LSMEM2: variants seen among roughly 807,000 people sequenced by gnomAD.
The protein encoded by LSMEM2 is leucine-rich single-pass membrane protein 2.
Under a neutral mutation model 17.3 loss-of-function variants are expected in LSMEM2, and 20 were observed. That is an observed-to-expected ratio of 1.16 (90% CI 0.81 to 1.68). LSMEM2 has a LOEUF of 1.68. Among genes scored for constraint, LSMEM2 ranks in the 40% most tolerant of loss-of-function variants. LSMEM2 has a pLI of 0.00. For synonymous variants in LSMEM2, 94 were observed against 97.8 expected, an observed-to-expected ratio of 0.96 and a Z score of 0.23; for missense variants, 207 against 214.3, an observed-to-expected ratio of 0.97 and a Z score of 0.21.
intron 1 of LSMEM2, among the ~76,000 whole-genome samples, chr3:50,284,237 G>A (rs893155679): frequency 2.7e-5 from 4 of 145,668 alleles, no homozygotes; most frequent in African/African-American, 1.0e-4. Flanking sequence ...CGCCACACAC[G>A]TATTAGTCAC....
At position 50,287,057 on chromosome 3, in the gene LSMEM2, T is replaced by TC; in HGVS notation, c.362-9dup. On this transcript the variant is annotated splice_polypyrimidine_tract_variant and intron_variant, in intron 3 of 3. Transcript: ENST00000316436. Reference sequence around the variant, plus strand: ...GCACATGGTCTGATGATCCCCCACTTCCCATTCACAGTGCTGCAGAGTGAA... The same window carrying TC: ...GCACATGGTCTGATGATCCCCCACTTCCCCATTCACAGTGCTGCAGAGTGAA... The TC allele has an allele frequency of 6.2e-7, 1 of 1,613,722 alleles. No homozygotes were observed. The highest frequency in any genetic ancestry group is 8.5e-7 in the Non-Finnish European group (1 of 1,179,716).
chr3:50,287,949 G>C lies in LSMEM2; in HGVS notation c.*747G>C, dbSNP rs1193658667. On this transcript the variant is annotated 3_prime_UTR_variant, in exon 4 of 4. Coordinates refer to ENST00000316436, the MANE Select transcript of LSMEM2 (RefSeq NM_153215.3). ...CCTAGTGCCTGCCCCACAGCCCTGA[G>C]GAAGGCACATATTTAGCCTGGCCTG... 1 of 532,146 alleles carries C rather than the reference G, an allele frequency of 1.9e-6. No homozygotes were observed. The highest frequency in any genetic ancestry group is 3.4e-6 in the Non-Finnish European group (1 of 294,568). The allele number at this position is 532,146 out of a possible 1,614,324, so 33.0% of individuals were successfully genotyped here. A position where few individuals can be genotyped will look rare whatever the true frequency, so the allele number is the denominator to read the frequency against.
chr3:50,277,936 C>T (rs924747813), upstream of LSMEM2, among the ~76,000 whole-genome samples: 4 of 152,190 alleles, frequency 2.6e-5, no homozygotes, highest in African/African-American at 4.8e-5. Flanking sequence ...CACTGCACTC[C>T]AGCCTGGGCA....
intron 1 of LSMEM2, 129 bp downstream of exon 1, chr3:50,279,300 G>C: frequency 1.2e-6 from 1 of 856,434 alleles, no homozygotes; most frequent in Non-Finnish European, 1.9e-6. Flanking sequence ...TCATGCTCCA[G>C]CTCCAGTAAA....
At chr3:50,282,594 T>A (rs587709158) in intron 1 of LSMEM2, among the ~76,000 whole-genome samples, 229 of 152,200 alleles carry the variant, frequency 1.5e-3, no homozygotes, top group African/African-American at 5.3e-3. Flanking sequence ...GAAAATATAA[T>A]TAAATATTGG....
Position 50,286,496 on chromosome 3 carries a change from C to T in LSMEM2, c.84C>T (p.Ser28=). 1 of 1,609,244 alleles carries T rather than the reference C, an allele frequency of 6.2e-7. No homozygotes were observed. Among genetic ancestry groups the T allele is most frequent in the Non-Finnish European group, 8.5e-7 (1 of 1,178,512 alleles). The change falls in exon 2 of 4, where the codon AGC becomes AGT. Residue 28 remains serine (S), a synonymous_variant. Transcript: ENST00000316436. ...QEDSVAPMMP[S]QRSRGPLAPN... is the part of the protein sequence containing the mutation. ...ACTCCGTGGCGCCAATGATGCCCAG[C>T]CAGAGGAGCAGGGGGCCATTGGCCC...
At chr3:50,281,710 A>C (rs1452617943) in intron 1 of LSMEM2, among the ~76,000 whole-genome samples, 2 of 115,118 alleles carry the variant, frequency 1.7e-5, no homozygotes, top group Non-Finnish European at 3.4e-5. Context: ...ATAGGGTCTC[A>C]CTCTGTTGCC....
intron 1 of LSMEM2, among the ~76,000 whole-genome samples, chr3:50,283,852 A>G (rs1701456271): frequency 6.6e-6 from 1 of 152,134 alleles, no homozygotes; most frequent in African/African-American, 2.4e-5. Context: ...AATTAAAATC[A>G]AAAGAAAAGT....
intron 1 of LSMEM2, among the ~76,000 whole-genome samples, chr3:50,281,606 A>C (rs1480012352): frequency 7.2e-6 from 1 of 139,322 alleles, no homozygotes; most frequent in Non-Finnish European, 1.5e-5. Context: ...CTTGTGATCC[A>C]CTTGCCTTGG....
At chr3:50,278,789 C>T (rs1222040286), upstream of LSMEM2, among the ~76,000 whole-genome samples, 1 of 151,570 alleles carries the variant, frequency 6.6e-6, no homozygotes, top group Non-Finnish European at 1.5e-5. Flanking sequence ...CACAGGCTTC[C>T]TTTGTCTGTC....
At chr3:50,283,957 G>A (rs959520148) in intron 1 of LSMEM2, among the ~76,000 whole-genome samples, 9 of 152,176 alleles carry the variant, frequency 5.9e-5, no homozygotes, top group Non-Finnish European at 1.3e-4. Flanking sequence ...TATAATCCCA[G>A]CACTTTGGGA....
At chr3:50,285,517 G>A (rs1701496939) in intron 1 of LSMEM2, among the ~76,000 whole-genome samples, 2 of 152,044 alleles carry the variant, frequency 1.3e-5, no homozygotes, top group Middle Eastern at 6.8e-3. Flanking sequence ...GCACACGCCT[G>A]TAATCCCAGC....
At chr3:50,278,614 A>G (rs1553707383), upstream of LSMEM2, among the ~76,000 whole-genome samples, 1 of 152,166 alleles carries the variant, frequency 6.6e-6, no homozygotes, top group African/African-American at 2.4e-5. Context: ...CAGAGCCCTC[A>G]TGGCATTGGG....
intron 1 of LSMEM2, among the ~76,000 whole-genome samples, chr3:50,280,657 G>A (rs1553707651): frequency 6.7e-6 from 1 of 149,430 alleles, no homozygotes; most frequent in Non-Finnish European, 1.5e-5. Flanking sequence ...GCAGTGGCGC[G>A]ATCTCAGCTC....
intron 1 of LSMEM2, among the ~76,000 whole-genome samples, chr3:50,285,866 T>C (rs1199075771): frequency 6.6e-6 from 1 of 150,394 alleles, no homozygotes; most frequent in Non-Finnish European, 1.5e-5. Flanking sequence ...GGGCGGGGAC[T>C]GCAAACAACC....
intron 1 of LSMEM2, among the ~76,000 whole-genome samples, chr3:50,280,595 C>CTTTTT (rs58315474): frequency 7.3e-6 from 1 of 136,374 alleles, no homozygotes; most frequent in Non-Finnish European, 1.6e-5. Context: ...CCTTTCTTTT[C>CTTTTT]TTTTTTTTTT....
At chr3:50,285,728 C>G (rs886821614) in intron 1 of LSMEM2, among the ~76,000 whole-genome samples, 1 of 152,058 alleles carries the variant, frequency 6.6e-6, no homozygotes, top group African/African-American at 2.4e-5. Context: ...TGGGAAAAAA[C>G]CTTCATATTC....
At chr3:50,282,891 A>C (rs1159874904) in intron 1 of LSMEM2, among the ~76,000 whole-genome samples, 1 of 149,654 alleles carries the variant, frequency 6.7e-6, no homozygotes, top group Non-Finnish European at 1.5e-5. Flanking sequence ...CTCAAAAAAA[A>C]CAGACAAACA....
intron 1 of LSMEM2, among the ~76,000 whole-genome samples, chr3:50,279,938 T>G (rs1367985220): frequency 3.3e-5 from 5 of 151,718 alleles, no homozygotes; most frequent in African/African-American, 1.2e-4. Flanking sequence ...TACAGTGGCG[T>G]GATCTCGGCT....
Sources: allele counts gnomAD v4.1 joint callset (sites outside exome capture counted in the v4.1 genomes callset), GRCh38; gene constraint gnomAD v4.1.1; transcripts MANE v1.5; gene names NCBI Gene and HGNC (gene_info 2026-07-23, HGNC 2026-07-21).